MTSS1: variants seen among roughly 807,000 people sequenced by gnomAD.
MTSS1 encodes the protein MTSS I-BAR domain containing 1.
Under a neutral mutation model 79.0 loss-of-function variants are expected in MTSS1, and 18 were observed. The observed-to-expected ratio is 0.23, with a 90% CI of 0.16 to 0.34. MTSS1 has a LOEUF of 0.34. MTSS1 is among the 10% of genes least tolerant of loss of function. The probability of loss-of-function intolerance (pLI) is 1.00; values close to 1 mark genes in which losing one functional copy is unlikely to be tolerated. For synonymous variants in MTSS1, 341 were observed against 368.6 expected, an observed-to-expected ratio of 0.93 and a Z score of 0.86; for missense variants, 815 against 986.2, an observed-to-expected ratio of 0.83 and a Z score of 2.33.
At chr8:124,646,144 G>A (rs1456231929) in intron 3 of MTSS1, among the ~76,000 whole-genome samples, 1 of 152,216 alleles carries the variant, frequency 6.6e-6, no homozygotes, top group African/African-American at 2.4e-5. Flanking sequence ...GCTCCTTTGG[G>A]AAACCAGGAA....
chr8:124,628,665 T>C (rs77181882), intron 3 of MTSS1, among the ~76,000 whole-genome samples: 4,135 of 146,130 alleles, frequency 0.028, 161 homozygotes, highest in African/African-American at 0.1. Context: ...CATCTAATTA[T>C]AGGCATTTTG....
chr8:124,673,834 G>A (rs927683082), intron 3 of MTSS1, among the ~76,000 whole-genome samples: 2 of 152,174 alleles, frequency 1.3e-5, no homozygotes, highest in Non-Finnish European at 2.9e-5. Flanking sequence ...CCAACAGCCA[G>A]ATCTACCTGA....
chr8:124,618,815 C>T (rs915321863), intron 3 of MTSS1, among the ~76,000 whole-genome samples: 24 of 152,242 alleles, frequency 1.6e-4, no homozygotes, highest in Admixed American at 1.2e-3. Context: ...ATACAAAAAG[C>T]AGGTTCCAAG....
chr8:124,692,440 C>T (rs1473970631), intron 3 of MTSS1, among the ~76,000 whole-genome samples: 1 of 151,986 alleles, frequency 6.6e-6, no homozygotes, highest in Non-Finnish European at 1.5e-5. Flanking sequence ...GAGTTCTGGG[C>T]TTGAACACCA....
At chr8:124,673,606 T>C (rs1824705297) in intron 3 of MTSS1, 1 of 152,128 alleles carries the variant, frequency 6.6e-6, no homozygotes, top group East Asian at 1.9e-4. Flanking sequence ...CATTCTTGTT[T>C]GTTCTGAAGC....
intron 5 of MTSS1, among the ~76,000 whole-genome samples, chr8:124,587,629 G>C (rs1409164001): frequency 6.6e-6 from 1 of 152,182 alleles, no homozygotes; most frequent in East Asian, 1.9e-4. Flanking sequence ...CTCCCGAGTA[G>C]CTGGGATTAC....
At chr8:124,621,670 G>C (rs1220227568) in intron 3 of MTSS1, among the ~76,000 whole-genome samples, 1 of 152,046 alleles carries the variant, frequency 6.6e-6, no homozygotes, top group African/African-American at 2.4e-5. Context: ...TCAGCCTCCC[G>C]AGTAAGTAGC....
At chr8:124,625,681 G>T (rs912873916) in intron 3 of MTSS1, among the ~76,000 whole-genome samples, 2 of 152,220 alleles carry the variant, frequency 1.3e-5, no homozygotes, top group Admixed American at 1.3e-4. Flanking sequence ...AAAAACTGCA[G>T]CTTTGAGAAT....
rs200992553 is a variant in MTSS1 at position 124,716,835 on chromosome 8, T to C, written c.72+11049A>G. ...GGTGGTGAGCCCTCAAACATGGGAA[T>C]TGGGAACTGAGACATGTTTTTTGGT... is the stretch of plus-strand genomic sequence containing the variant. On this transcript the variant is annotated intron_variant, in intron 1 of 13. Coordinates refer to ENST00000518547, the MANE Select transcript of MTSS1 (RefSeq NM_014751.6). Among the ~76,000 whole-genome samples the C allele has an allele frequency of 9.9e-5, 15 of 152,072 alleles. No individual in the cohort carries two copies. In the East Asian group the frequency reaches 2.9e-3, roughly 29 times the overall value.
intron 3 of MTSS1, among the ~76,000 whole-genome samples, chr8:124,689,471 C>T (rs902451243): frequency 2.6e-5 from 4 of 151,754 alleles, no homozygotes; most frequent in East Asian, 3.9e-4. Flanking sequence ...CTTGGCTGGG[C>T]GTGGTGGCTC....
chr8:124,612,969 C>T (rs1322055257), intron 3 of MTSS1, among the ~76,000 whole-genome samples: 1 of 152,080 alleles, frequency 6.6e-6, no homozygotes, highest in Non-Finnish European at 1.5e-5. Context: ...GAAAGCAGAG[C>T]ACGGTGCTAT....
At chr8:124,698,413 G>T (rs560746839) in intron 3 of MTSS1, among the ~76,000 whole-genome samples, 2 of 152,156 alleles carry the variant, frequency 1.3e-5, no homozygotes, top group South Asian at 2.1e-4. Flanking sequence ...AGAGGCAGAA[G>T]AGAGTAGCTG....
At chr8:124,605,063 G>T (rs983566260) in intron 3 of MTSS1, among the ~76,000 whole-genome samples, 1 of 152,206 alleles carries the variant, frequency 6.6e-6, no homozygotes, top group African/African-American at 2.4e-5. Context: ...AACACATTCC[G>T]ACAGGGAGGC....
At chr8:124,712,398 C>T (rs1489251681) in intron 1 of MTSS1, among the ~76,000 whole-genome samples, 1 of 152,228 alleles carries the variant, frequency 6.6e-6, no homozygotes, top group Non-Finnish European at 1.5e-5. Context: ...CCAGAGGAGG[C>T]TGGCACCTTC....
chr8:124,724,357 T>G (rs962479732), intron 1 of MTSS1, among the ~76,000 whole-genome samples: 2 of 152,168 alleles, frequency 1.3e-5, no homozygotes, highest in Non-Finnish European at 1.5e-5. Flanking sequence ...GGGGAGGAAC[T>G]GAACAAGGCC....
intron 3 of MTSS1, among the ~76,000 whole-genome samples, chr8:124,674,910 C>T (rs1317671805): frequency 3.3e-5 from 5 of 152,026 alleles, no homozygotes; most frequent in South Asian, 2.1e-4. Flanking sequence ...CTAGTAGAGA[C>T]GGGGTTTTAC....
intron 1 of MTSS1, among the ~76,000 whole-genome samples, chr8:124,717,030 C>T (rs1032026216): frequency 2.0e-5 from 3 of 151,292 alleles, no homozygotes; most frequent in African/African-American, 7.3e-5. Flanking sequence ...CTGGACGCAA[C>T]CTAAACACAA....
chr8:124,644,939 G>T (rs1818730719), intron 3 of MTSS1, among the ~76,000 whole-genome samples: 1 of 152,200 alleles, frequency 6.6e-6, no homozygotes, highest in South Asian at 2.1e-4. Context: ...GTCATACACA[G>T]ATTCATTGAG....
At chr8:124,688,916 A>G (rs977963527) in intron 3 of MTSS1, among the ~76,000 whole-genome samples, 6 of 152,190 alleles carry the variant, frequency 3.9e-5, no homozygotes, top group African/African-American at 1.4e-4. Flanking sequence ...ATGTTGCACT[A>G]GATACTAGGT....
Sources: gnomAD v4.1 joint callset for allele counts (sites outside exome capture counted in the v4.1 genomes callset) on GRCh38, gnomAD v4.1.1 for gene constraint, MANE v1.5 for transcripts, NCBI Gene and HGNC (gene_info 2026-07-23, HGNC 2026-07-21) for gene names.